STAM2: variants seen among roughly 807,000 people sequenced by gnomAD.
STAM2 encodes the protein signal transducing adapter molecule 2.
Under a neutral mutation model 65.6 loss-of-function variants are expected in STAM2, and 51 were observed. That is an observed-to-expected ratio of 0.78 (90% CI 0.62 to 0.98). The LOEUF (loss-of-function observed/expected upper bound fraction) is 0.98, where lower values mean the gene tolerates loss of function less well. Ranked by LOEUF, STAM2 falls within the 50% of genes least tolerant of loss-of-function variation. STAM2 has a pLI of 0.00. For missense variants in STAM2, 584 were observed against 617.8 expected (o/e 0.95, Z 0.58); for synonymous variants, 198 against 208.4 (o/e 0.95, Z 0.43).
chr2:152,136,088 CAAA>C (rs1228963447), intron 7 of STAM2, among the ~76,000 whole-genome samples: 3 of 55,540 alleles, frequency 5.4e-5, no homozygotes, highest in Admixed American at 2.0e-4. Context: ...AGACTCGTCT[CAAA>C]AAAAAAAAAA....
chr2:152,152,361 A>C (rs1005007849), intron 1 of STAM2, among the ~76,000 whole-genome samples: 8 of 152,094 alleles, frequency 5.3e-5, no homozygotes, highest in African/African-American at 1.9e-4. Context: ...TATCCTGGCT[A>C]ACACGGTGAA....
intron 1 of STAM2, among the ~76,000 whole-genome samples, chr2:152,151,886 A>C (rs763889618): frequency 1.3e-5 from 2 of 152,198 alleles, no homozygotes; most frequent in Non-Finnish European, 2.9e-5. Flanking sequence ...CATTGTATAG[A>C]TATACCACAT....
rs1448789506 is a variant in STAM2 at position 152,152,351 on chromosome 2, T to C, written c.41-2122A>G. On this transcript the variant is annotated intron_variant, in intron 1 of 13. Coordinates refer to ENST00000263904, the MANE Select transcript of STAM2 (RefSeq NM_005843.6). ...GATCACGAGGTCAGGAGATCAAGAC[T>C]ATCCTGGCTAACACGGTGAAACCCC... 2.0e-5 allele frequency among the ~76,000 whole-genome samples: 3 copies of C among 151,998 alleles called. No homozygotes were observed. In the East Asian group the frequency reaches 5.8e-4, roughly 29 times the overall value.
chr2:152,150,428 G>A (rs1346905722), intron 1 of STAM2, among the ~76,000 whole-genome samples, 199 bp from the exon 2 acceptor site: 1 of 152,178 alleles, frequency 6.6e-6, no homozygotes, highest in East Asian at 1.9e-4. Context: ...TTGAGGTAAA[G>A]CAATAAAATG....
intron 1 of STAM2, among the ~76,000 whole-genome samples, chr2:152,156,016 C>G (rs12614451): frequency 6.6e-6 from 1 of 152,048 alleles, no homozygotes; most frequent in Middle Eastern, 3.2e-3. Flanking sequence ...CACATAATCA[C>G]GTGAATCTGA....
At chr2:152,141,138 C>CA (rs72256027) in intron 7 of STAM2, among the ~76,000 whole-genome samples, 2,573 of 109,558 alleles carry the variant, frequency 0.023, 73 homozygotes, top group African/African-American at 0.068. Context: ...GACCCTGTCT[C>CA]AAAAAAAAAA....
At chr2:152,146,851 T>A (rs1689344252) in intron 5 of STAM2, among the ~76,000 whole-genome samples, 1 of 152,220 alleles carries the variant, frequency 6.6e-6, no homozygotes, top group African/African-American at 2.4e-5. Context: ...TATAAAGCTA[T>A]CATTCAAATT....
chr2:152,152,323 G>A (rs1689461328), intron 1 of STAM2, among the ~76,000 whole-genome samples: 2 of 152,010 alleles, frequency 1.3e-5, no homozygotes, highest in Non-Finnish European at 2.9e-5. Context: ...GCCGAGGTGG[G>A]CAGATCACGA....
intron 11 of STAM2, 187 bp downstream of exon 11, chr2:152,131,927 T>A: frequency 1.8e-6 from 1 of 558,428 alleles, no homozygotes. Context: ...CAGAGCTTGT[T>A]TTTTAGAAAA....
intron 1 of STAM2, among the ~76,000 whole-genome samples, chr2:152,165,063 T>C (rs969063244): frequency 2.6e-5 from 4 of 152,186 alleles, no homozygotes; most frequent in Admixed American, 2.6e-4. Context: ...ATACATGTTA[T>C]AATTTCCATT....
At position 152,120,437 on chromosome 2, in the gene STAM2, A is replaced by C; in HGVS notation, c.*137T>G. Reference sequence around the variant, plus strand: ...AAAACCTTTTATGGCCTTGTAGAATAAGAGAGGTTTTTGTGCTTTATTTAT... The same window carrying C: ...AAAACCTTTTATGGCCTTGTAGAATCAGAGAGGTTTTTGTGCTTTATTTAT... On this transcript the variant is annotated 3_prime_UTR_variant, in exon 14 of 14. Coordinates refer to ENST00000263904, the MANE Select transcript of STAM2 (RefSeq NM_005843.6). 1.5e-6 allele frequency: 1 copy of C among 678,866 alleles called. No individual in the cohort carries two copies. Among genetic ancestry groups the C allele is most frequent in the Non-Finnish European group, 2.5e-6 (1 of 407,186 alleles). The allele number at this position is 678,866 out of a possible 1,614,324, so 42.1% of individuals were successfully genotyped here. A position where few individuals can be genotyped will look rare whatever the true frequency, so the allele number is the denominator to read the frequency against.
At chr2:152,156,482 C>T (rs551229658) in intron 1 of STAM2, among the ~76,000 whole-genome samples, 6 of 152,200 alleles carry the variant, frequency 3.9e-5, no homozygotes, top group East Asian at 3.9e-4. Context: ...CTGTGTCAAA[C>T]GCATAGAGAG....
chr2:152,175,758 G>A lies in STAM2; in HGVS notation c.-116C>T, dbSNP rs1253512052. ...CCGCTCCGCTTCGGCCTCCGTCCCT[G>A]CACTTCCGCCACCGCACCTGCCCGG... is the stretch of plus-strand genomic sequence containing the variant. On this transcript the variant is annotated 5_prime_UTR_variant, in exon 1 of 14. Transcript: ENST00000263904. 3.6e-6 allele frequency: 4 copies of A among 1,118,268 alleles called. No homozygotes were observed. Among genetic ancestry groups the A allele is most frequent in the Non-Finnish European group, 5.2e-6 (4 of 766,614 alleles). 69.3% of individuals were successfully genotyped at this position (1,118,268 alleles called of 1,614,324 possible).
At chr2:152,162,156 T>G (rs1689690970) in intron 1 of STAM2, among the ~76,000 whole-genome samples, 2 of 152,164 alleles carry the variant, frequency 1.3e-5, no homozygotes, top group Non-Finnish European at 2.9e-5. Flanking sequence ...AAAACCTACT[T>G]ACAGCTCTGA....
chr2:152,164,168 T>C (rs761210790), intron 1 of STAM2, among the ~76,000 whole-genome samples: 8 of 152,168 alleles, frequency 5.3e-5, no homozygotes, highest in Non-Finnish European at 1.2e-4. Context: ...TTCTTCTCTT[T>C]GTACTCTTTC....
At chr2:152,139,814 T>C (rs1486194117) in intron 7 of STAM2, among the ~76,000 whole-genome samples, 1 of 152,028 alleles carries the variant, frequency 6.6e-6, no homozygotes, top group African/African-American at 2.4e-5. Context: ...AAAGTATTCA[T>C]GAAAGATAAA....
At chr2:152,123,599 G>A (rs1364908182) in intron 13 of STAM2, among the ~76,000 whole-genome samples, 167 bp downstream of exon 13, 3 of 152,058 alleles carry the variant, frequency 2.0e-5, no homozygotes, top group Non-Finnish European at 4.4e-5. Context: ...CTTAAGGGCG[G>A]GCAATAATCT....
intron 7 of STAM2, among the ~76,000 whole-genome samples, chr2:152,141,821 C>G (rs1045667517): frequency 8.6e-5 from 13 of 151,992 alleles, no homozygotes; most frequent in Non-Finnish European, 1.8e-4. Context: ...GAACTCCTGA[C>G]CTCGTGATCC....
At chr2:152,124,267 C>CGGCG in intron 12 of STAM2, 1 of 219,086 alleles carries the variant, frequency 4.6e-6, no homozygotes, top group South Asian at 8.0e-5. Context: ...GAAAACTATA[C>CGGCG]ACTCCCTTGA....
Sources: allele counts gnomAD v4.1 joint callset (sites outside exome capture counted in the v4.1 genomes callset), GRCh38; gene constraint gnomAD v4.1.1; transcripts MANE v1.5; gene names NCBI Gene and HGNC (gene_info 2026-07-23, HGNC 2026-07-21).